The following STX17 variants were observed in gnomAD, a reference collection of about 807,000 sequenced individuals.
STX17 encodes syntaxin-17.
A neutral mutation model predicts 35.9 loss-of-function variants in STX17; 29 were observed. That is an observed-to-expected ratio of 0.81 (90% CI 0.60 to 1.10). The LOEUF (loss-of-function observed/expected upper bound fraction) is 1.10. STX17 is among the 50% of genes least tolerant of loss of function. The pLI, the probability that STX17 is intolerant of heterozygous loss-of-function variation, is 0.00. For synonymous variants in STX17, 92 were observed against 118.3 expected (o/e 0.78, Z 1.44); for missense variants, 312 against 352.3 (o/e 0.89, Z 0.92).
At chr9:99,943,139 G>C (rs1164905116) in intron 3 of STX17, among the ~76,000 whole-genome samples, 1 of 151,836 alleles carries the variant, frequency 6.6e-6, no homozygotes. Context: ...TCGTTTGTTT[G>C]TTTGTTTGTT....
chr9:99,955,733 A>T (rs1362965335), intron 4 of STX17, among the ~76,000 whole-genome samples: 1 of 152,092 alleles, frequency 6.6e-6, no homozygotes, highest in Non-Finnish European at 1.5e-5. Context: ...TTTTAAAACC[A>T]ATCCTGGGGT....
chr9:99,941,885 C>A (rs927743217), intron 3 of STX17, among the ~76,000 whole-genome samples: 2 of 152,096 alleles, frequency 1.3e-5, no homozygotes, highest in Admixed American at 1.3e-4. Flanking sequence ...TGTTTCCATT[C>A]TGTGGATGGA....
At chr9:99,953,235 G>T (rs1287684676) in intron 4 of STX17, among the ~76,000 whole-genome samples, 1 of 152,042 alleles carries the variant, frequency 6.6e-6, no homozygotes, top group Admixed American at 6.6e-5. Flanking sequence ...CCACTAGTCA[G>T]AGTTTCTGGG....
At chr9:99,912,281 A>AT (rs1304115875) in intron 1 of STX17, among the ~76,000 whole-genome samples, 2 of 150,844 alleles carry the variant, frequency 1.3e-5, no homozygotes, top group Non-Finnish European at 3.0e-5. Flanking sequence ...AGCATTTGTT[A>AT]TTTTTTATCC....
At position 99,915,182 on chromosome 9, in the gene STX17, T is replaced by A; in HGVS notation, c.-58T>A. The A allele has an allele frequency of 1.3e-6, 2 of 1,519,762 alleles. No homozygotes were observed. Among genetic ancestry groups the A allele is most frequent in the Non-Finnish European group, 1.8e-6 (2 of 1,136,304 alleles). 94.1% of individuals were successfully genotyped at this position (1,519,762 alleles called of 1,614,324 possible). On this transcript the variant is annotated 5_prime_UTR_variant, in exon 2 of 8. Coordinates refer to ENST00000259400, the MANE Select transcript of STX17 (RefSeq NM_017919.3). Reference sequence around the variant, plus strand: ...AAAGAAATATTTTTCTTTTAGGTTTTTCTATATGAGTGGAGAAGACAGCTG... The same window carrying A: ...AAAGAAATATTTTTCTTTTAGGTTTATCTATATGAGTGGAGAAGACAGCTG...
intron 1 of STX17, among the ~76,000 whole-genome samples, chr9:99,914,829 A>C (rs1828733918): frequency 6.6e-6 from 1 of 152,192 alleles, no homozygotes; most frequent in East Asian, 1.9e-4. Context: ...GCTTTTTTAA[A>C]AGTATTTATA....
At chr9:99,950,932 T>TATG in intron 3 of STX17, 128 bp from the exon 4 acceptor site, 1 of 885,224 alleles carries the variant, frequency 1.1e-6, no homozygotes, top group South Asian at 1.9e-5. Context: ...GTAAAAGTAT[T>TATG]ATGCTACACC....
At chr9:99,942,324 A>G (rs1306955776) in intron 3 of STX17, among the ~76,000 whole-genome samples, 1 of 152,024 alleles carries the variant, frequency 6.6e-6, no homozygotes, top group Non-Finnish European at 1.5e-5. Context: ...ACTTCTTCAT[A>G]TGTTTTGCCT....
chr9:99,940,410 G>A (rs897948908), intron 3 of STX17, among the ~76,000 whole-genome samples: 1 of 151,568 alleles, frequency 6.6e-6, no homozygotes, highest in Non-Finnish European at 1.5e-5. Context: ...GGGAGTACAG[G>A]TGTGAGGTTA....
At chr9:99,917,542 G>A (rs1319160719) in intron 2 of STX17, among the ~76,000 whole-genome samples, 2 of 152,216 alleles carry the variant, frequency 1.3e-5, no homozygotes, top group African/African-American at 4.8e-5. Context: ...GTAAGCCTTA[G>A]TGGAGTGATT....
chr9:99,968,766 A>G lies in STX17; in HGVS notation c.*93A>G, dbSNP rs1829970270. 3 of 1,522,268 alleles carry G rather than the reference A, an allele frequency of 2.0e-6. No homozygotes were observed. Among genetic ancestry groups the G allele is most frequent in the East Asian group, 2.3e-5 (1 of 44,120 alleles). The allele number at this position is 1,522,268 out of a possible 1,614,324, so 94.3% of individuals were successfully genotyped here. ...CCGTCACCTTTTGGAACACAAGTAT[A>G]TCAAGATAGTGGCTACTGATGTTCA... is the stretch of plus-strand genomic sequence containing the variant. On this transcript the variant is annotated 3_prime_UTR_variant, in exon 8 of 8. Coordinates refer to ENST00000259400, the MANE Select transcript of STX17 (RefSeq NM_017919.3).
chr9:99,965,640 A>G (rs961840235), intron 6 of STX17, among the ~76,000 whole-genome samples: 1 of 152,240 alleles, frequency 6.6e-6, no homozygotes, highest in African/African-American at 2.4e-5. Flanking sequence ...TTTTTCTTCT[A>G]TGGGTCAGAA....
At chr9:99,967,816 C>G in intron 7 of STX17, 77 bp downstream of exon 7, 2 of 1,265,092 alleles carry the variant, frequency 1.6e-6, no homozygotes, top group Non-Finnish European at 2.3e-6. Flanking sequence ...AATTGATCTG[C>G]TCTCTTCAAT....
intron 3 of STX17, among the ~76,000 whole-genome samples, chr9:99,929,368 A>T (rs1001169289): frequency 6.6e-6 from 1 of 151,758 alleles, no homozygotes; most frequent in Non-Finnish European, 1.5e-5. Context: ...TTTGCTAGTT[A>T]TTTGCTTTTT....
At chr9:99,954,164 T>C (rs1829661811) in intron 4 of STX17, 1 of 152,062 alleles carries the variant, frequency 6.6e-6, no homozygotes, top group Admixed American at 6.6e-5. Flanking sequence ...AAATGGGCTA[T>C]TAAAGACCTA....
At chr9:99,932,502 T>A (rs1383424293) in intron 3 of STX17, among the ~76,000 whole-genome samples, 1 of 152,172 alleles carries the variant, frequency 6.6e-6, no homozygotes, top group Non-Finnish European at 1.5e-5. Context: ...AGATTTGGTG[T>A]CTATTGAATG....
chr9:99,967,037 CTG>C (rs957519624), intron 6 of STX17, among the ~76,000 whole-genome samples: 1 of 152,184 alleles, frequency 6.6e-6, no homozygotes, highest in Non-Finnish European at 1.5e-5. Context: ...ACATTTTAAA[CTG>C]TCATGATTTT....
intron 4 of STX17, among the ~76,000 whole-genome samples, chr9:99,959,204 G>GATAGT (rs1048798663): frequency 7.9e-5 from 12 of 152,072 alleles, no homozygotes; most frequent in Admixed American, 7.2e-4. Context: ...AGATTGGATA[G>GATAGT]ATAGTATTTG....
At position 99,973,609 on chromosome 9, in the gene STX17, TGTTA is replaced by T. The variant is rs1830054635; in HGVS notation, c.*4940_*4943del. 2.0e-5 allele frequency among the ~76,000 whole-genome samples: 3 copies of T among 152,314 alleles called. No individual in the cohort carries two copies. In the South Asian group the frequency reaches 6.2e-4, roughly 32 times the overall value. On this transcript the variant is annotated 3_prime_UTR_variant, in exon 8 of 8. Transcript: ENST00000259400. ...CTTGTCCTGTCAATTCTCCCTTAAA[TGTTA>T]GTTGCATCCATTTCTAAATATATCC...
Sources: allele counts gnomAD v4.1 joint callset (sites outside exome capture counted in the v4.1 genomes callset), GRCh38; gene constraint gnomAD v4.1.1; transcripts MANE v1.5; gene names NCBI Gene and HGNC (gene_info 2026-07-23, HGNC 2026-07-21).